APOM: variants seen among roughly 807,000 people sequenced by gnomAD.
APOM encodes NG20-like protein.
In APOM, 24 loss-of-function variants were observed where a neutral mutation model predicts 23.5. That is an observed-to-expected ratio of 1.02 (90% CI 0.74 to 1.44). The LOEUF (loss-of-function observed/expected upper bound fraction) is 1.44, where lower values mean the gene tolerates loss of function less well. Among genes scored for constraint, APOM ranks in the 40% most tolerant of loss-of-function variants. The pLI is 0.00. For missense variants in APOM, 200 were observed against 233.2 expected (o/e 0.86, Z 0.93); for synonymous variants, 82 against 84.1 (o/e 0.97, Z 0.14).
chr6:31,657,407 T>C lies in APOM; in HGVS notation c.371T>C (p.Phe124Ser), dbSNP rs1436090050. 1.2e-6 allele frequency: 2 copies of C among 1,613,026 alleles called. No individual in the cohort carries two copies. Among genetic ancestry groups the C allele is most frequent in the Admixed American group, 1.7e-5 (1 of 60,014 alleles). ...CGCCCTGACATGAAGACTGAGCTCT[T>C]TTCCAGCTCATGCCCAGGTGGAATC... ...EGRPDMKTELFSSSCPGGIML... is the reference protein window; with the variant it reads ...EGRPDMKTELSSSSCPGGIML... The change falls in exon 4 of 6, where the codon TTT becomes TCT. Residue 124 changes from phenylalanine (F) to serine (S), a missense_variant. Phe to Ser is a radical substitution (Grantham distance 155). Transcript: ENST00000375916.
chr6:31,654,313 T>C (rs988856549), upstream of APOM, among the ~76,000 whole-genome samples: 2 of 151,946 alleles, frequency 1.3e-5, no homozygotes, highest in African/African-American at 4.8e-5. Flanking sequence ...TCTAATATAC[T>C]GGTCACCCAA....
chr6:31,655,685 A>G (rs1799961934), upstream of APOM: 1 of 359,558 alleles, frequency 2.8e-6, no homozygotes, highest in African/African-American at 2.1e-5. Context: ...AGGTTCAAAG[A>G]CCACAGGCTT....
At chr6:31,654,594 T>C (rs1324088413), upstream of APOM, among the ~76,000 whole-genome samples, 1 of 152,116 alleles carries the variant, frequency 6.6e-6, no homozygotes, top group Non-Finnish European at 1.5e-5. Flanking sequence ...GCCGGGGAAG[T>C]CAAAGTCATG....
chr6:31,657,373 T>TTGACAGGCCGCCC lies in APOM; in HGVS notation c.344-1_355dup. 4 of 1,613,070 alleles carry TTGACAGGCCGCCC rather than the reference T, an allele frequency of 2.5e-6. No individual in the cohort carries two copies. The highest frequency in any genetic ancestry group is 1.3e-5 in the African/African-American group (1 of 75,042). On this transcript the variant is annotated splice_region_variant and splice_polypyrimidine_tract_variant and intron_variant, in intron 3 of 5. Coordinates refer to ENST00000375916, the MANE Select transcript of APOM (RefSeq NM_019101.3). ...TGTTCTCATACTTCTCCCACCTGCC[T>TTGACAGGCCGCCC]TGACAGGCCGCCCTGACATGAAGAC...
upstream of APOM, among the ~76,000 whole-genome samples, chr6:31,653,823 T>G (rs1368006838): frequency 6.6e-6 from 1 of 152,098 alleles, no homozygotes; most frequent in Non-Finnish European, 1.5e-5. Flanking sequence ...GGACCACAGA[T>G]GCACACCACC....
chr6:31,655,991 C>T lies in APOM; in HGVS notation c.25C>T (p.Leu9=). MFHQIWAA[L]LYFYGIILNS... ...GATGTTCCACCAAATTTGGGCAGCT[C>T]TGCTCTACTTCTATGGTATTATCCT... The change falls in exon 1 of 6, where the codon CTG becomes TTG. Residue 9 remains leucine (L), a synonymous_variant. Coordinates refer to ENST00000375916, the MANE Select transcript of APOM (RefSeq NM_019101.3). 6.2e-7 allele frequency: 1 copy of T among 1,600,866 alleles called. No homozygotes were observed. Among genetic ancestry groups the T allele is most frequent in the Non-Finnish European group, 8.5e-7 (1 of 1,173,772 alleles).
chr6:31,656,577 G>A lies in APOM; in HGVS notation c.220G>A (p.Ala74Thr). 4.3e-6 allele frequency: 7 copies of A among 1,614,096 alleles called. No homozygotes were observed. The highest frequency in any genetic ancestry group is 5.1e-6 in the Non-Finnish European group (6 of 1,180,024). ...DPVDNIVFNM[A>T]AGSAPMQLHL... is the part of the protein sequence containing the mutation. ...TGTGGACAACATTGTCTTCAATATG[G>A]CTGCTGGCTCTGCCCCGATGCAGCT... Residue 74 changes from alanine to threonine, a missense_variant, in exon 2 of 6, where the codon GCT (alanine) becomes ACT (threonine). Ala to Thr is a moderately conservative substitution (Grantham distance 58). Coordinates refer to ENST00000375916, the MANE Select transcript of APOM (RefSeq NM_019101.3).
rs765141953 is a variant in APOM, at chr6:31,657,372, C to T, written c.344-8C>T. On this transcript the variant is annotated splice_region_variant and splice_polypyrimidine_tract_variant and intron_variant, in intron 3 of 5. Transcript: ENST00000375916. ...CTGTTCTCATACTTCTCCCACCTGC[C>T]TTGACAGGCCGCCCTGACATGAAGA... The T allele has an allele frequency of 2.5e-6, 4 of 1,612,972 alleles. No homozygotes were observed. The African/African-American group carries it at 5.3e-5, about 22-fold the overall frequency.
At chr6:31,653,638 G>C (rs1330421305), upstream of APOM, among the ~76,000 whole-genome samples, 1 of 152,162 alleles carries the variant, frequency 6.6e-6, no homozygotes, top group Non-Finnish European at 1.5e-5. Flanking sequence ...CAGGACTCCA[G>C]ATCGAGCACT....
chr6:31,656,266 G>C (rs1800042801), intron 1 of APOM, among the ~76,000 whole-genome samples, 186 bp downstream of exon 1: 1 of 152,110 alleles, frequency 6.6e-6, no homozygotes, highest in Admixed American at 6.5e-5. Flanking sequence ...CAGAATTGGG[G>C]GGTGGGGTGG....
intron 4 of APOM, 48 bp downstream of exon 4, chr6:31,657,526 G>A: frequency 6.2e-7 from 1 of 1,605,058 alleles, no homozygotes. Context: ...ACAAGGGAGG[G>A]CAGGAGAACT....
At chr6:31,655,862 G>A, upstream of APOM, 1 of 719,586 alleles carries the variant, frequency 1.4e-6, no homozygotes, top group Non-Finnish European at 2.4e-6. Flanking sequence ...CAGGTGAAAG[G>A]GTCAAGGGTC....
At chr6:31,653,649 T>C (rs1799345309), upstream of APOM, among the ~76,000 whole-genome samples, 1 of 152,198 alleles carries the variant, frequency 6.6e-6, no homozygotes, top group Non-Finnish European at 1.5e-5. Context: ...ATCGAGCACT[T>C]GTACTTTACT....
intron 5 of APOM, 148 bp from the exon 6 acceptor site, chr6:31,657,916 G>A (rs1800314592): frequency 1.0e-6 from 1 of 983,256 alleles, no homozygotes; most frequent in Non-Finnish European, 1.6e-6. Flanking sequence ...AGGGGGCAGA[G>A]GGTCATACGT....
chr6:31,655,760 T>C (rs1799971492), upstream of APOM: 16 of 556,056 alleles, frequency 2.9e-5, no homozygotes, highest in South Asian at 2.7e-4. Context: ...GGGTGTACTA[T>C]GGAGTGGTTG....
At chr6:31,657,573 G>C (rs1800256597) in intron 4 of APOM, 52 bp from the exon 5 acceptor site, 2 of 1,593,892 alleles carry the variant, frequency 1.3e-6, no homozygotes, top group Non-Finnish European at 1.7e-6. Flanking sequence ...CCCAGGAAGA[G>C]CTAGGTGCTT....
intron 2 of APOM, 59 bp downstream of exon 2, chr6:31,656,685 T>C: frequency 6.3e-7 from 1 of 1,578,136 alleles, no homozygotes; most frequent in Non-Finnish European, 8.6e-7. Context: ...AGTGTGAGAA[T>C]CCACCCACCA....
Position 31,656,039 on chromosome 6 carries a change from G to A in APOM, c.73G>A (p.Glu25Lys). 6.3e-7 allele frequency: 1 copy of A among 1,587,944 alleles called. No individual in the cohort carries two copies. Among genetic ancestry groups the A allele is most frequent in the South Asian group, 1.1e-5 (1 of 87,320 alleles). Residue 25 changes from glutamate to lysine, a missense_variant, in exon 1 of 6, where the codon GAG (glutamate) becomes AAG (lysine). Transcript: ENST00000375916. ...CCTTAACTCCATCTACCAGTGCCCT[G>A]AGCACAGTCAACTGACAACTCTGGG... ...IILNSIYQCP[E>K]HSQLTTLGVD...
upstream of APOM, among the ~76,000 whole-genome samples, chr6:31,653,698 T>C (rs750078281): frequency 2.0e-5 from 3 of 152,164 alleles, no homozygotes; most frequent in Non-Finnish European, 4.4e-5. Context: ...GCTTATTTTT[T>C]TGAGAGAGGG....
Sources: gnomAD v4.1 joint callset for allele counts (sites outside exome capture counted in the v4.1 genomes callset) on GRCh38, gnomAD v4.1.1 for gene constraint, MANE v1.5 for transcripts, NCBI Gene and HGNC (gene_info 2026-07-23, HGNC 2026-07-21) for gene names.